The following ZNF521 variants were observed in gnomAD, a reference collection of about 807,000 sequenced individuals.
ZNF521 encodes the protein zinc finger protein 521.
A neutral mutation model predicts 105.5 loss-of-function variants in ZNF521; 14 were observed. The ratio of observed to expected loss-of-function variants is 0.13; its 90% CI spans 0.09 to 0.21. ZNF521 has a LOEUF of 0.21. Ranked by LOEUF, ZNF521 falls within the 10% of genes least tolerant of loss-of-function variation. The pLI, the probability that ZNF521 is intolerant of heterozygous loss-of-function variation, is 1.00. For synonymous variants in ZNF521, 635 were observed against 606.0 expected (o/e 1.05, Z -0.70); for missense variants, 1,233 against 1,629.7 (o/e 0.76, Z 4.19).
In ZNF521 at chr18:25,091,854, T is replaced by C. The variant is rs2033754306; in HGVS notation, c.3790+96A>G. 13 of 1,453,092 alleles carry C rather than the reference T, an allele frequency of 8.9e-6. No individual in the cohort carries two copies. The South Asian group carries it at 1.5e-4, about 17-fold the overall frequency. The allele number at this position is 1,453,092 out of a possible 1,614,324, so 90.0% of individuals were successfully genotyped here. A position where few individuals can be genotyped will look rare whatever the true frequency, so the allele number is the denominator to read the frequency against. ...CCCCAAATTGAACTGAAGTCATGTC[T>C]GTAAAAGGCCATAGCAGTGGGAAGT... On this transcript the variant is annotated intron_variant, in intron 6 of 7. Transcript: ENST00000361524.
intron 5 of ZNF521, among the ~76,000 whole-genome samples, chr18:25,128,259 T>C (rs34804576): frequency 6.6e-6 from 1 of 151,426 alleles, no homozygotes; most frequent in Non-Finnish European, 1.5e-5. Flanking sequence ...TTTGACAAAA[T>C]CCAACATCCA....
rs138692551 is a variant in ZNF521 at position 25,088,126 on chromosome 18, A to G, written c.3906+1339T>C. Among the ~76,000 whole-genome samples the G allele has an allele frequency of 5.9e-3, 899 of 152,256 alleles. 8 individuals carry two copies. Among genetic ancestry groups the G allele is most frequent in the Non-Finnish European group, 8.3e-3 (566 of 68,008 alleles). ...GCTCTTTCATTTGGTTCAGGGATTC[A>G]CTGTGAAAATTAACTGCAACCCTCA... On this transcript the variant is annotated intron_variant, in intron 7 of 7. Coordinates refer to ENST00000361524, the MANE Select transcript of ZNF521 (RefSeq NM_015461.3).
rs533108687 is a variant in ZNF521 at position 25,179,968 on chromosome 18, A to C, written c.3658+15192T>G. 5.5e-4 allele frequency among the ~76,000 whole-genome samples: 83 copies of C among 152,246 alleles called. 1 individual carries two copies. Among genetic ancestry groups the C allele is most frequent in the Non-Finnish European group, 1.1e-3 (76 of 68,046 alleles). On this transcript the variant is annotated intron_variant, in intron 5 of 7. Coordinates refer to ENST00000361524, the MANE Select transcript of ZNF521 (RefSeq NM_015461.3). ...AGAAAATCTGAATTAGAATTCTGAA[A>C]TCAGTCATGCAAGTTAAGACCTTTG...
intron 5 of ZNF521, among the ~76,000 whole-genome samples, chr18:25,111,134 G>A (rs185758657): frequency 3.8e-4 from 57 of 151,996 alleles, no homozygotes; most frequent in Non-Finnish European, 6.2e-4. Context: ...GCAGAAAAAC[G>A]GTGCCCAGCT....
chr18:25,245,059 A>G (rs1290408568), intron 3 of ZNF521, among the ~76,000 whole-genome samples: 4 of 152,228 alleles, frequency 2.6e-5, no homozygotes, highest in African/African-American at 9.6e-5. Flanking sequence ...GGTTTTGAAA[A>G]TAGAGGAAAA....
In ZNF521 at chr18:25,225,842, C is replaced by T. The variant is rs116183152; in HGVS notation, c.2076G>A (p.Thr692=). The change falls in exon 4 of 8, where the codon ACG becomes ACA. Residue 692 remains threonine, a synonymous_variant. Transcript: ENST00000361524. This position sits in a 1 kb window ranked among gnomAD's most constrained non-coding sequence, Gnocchi z 5.6. ...HVTIHFMITS[T]YYICESCDKQ... is the part of the protein sequence containing the mutation. ...TGTCACAACTCTCACAGATGTAATA[C>T]GTTGAAGTGATCATAAAGTGAATGG... 24 of 1,614,184 alleles carry T rather than the reference C, an allele frequency of 1.5e-5. No individual in the cohort carries two copies. The East Asian group carries it at 1.6e-4, about 10-fold the overall frequency.
intron 2 of ZNF521, among the ~76,000 whole-genome samples, chr18:25,325,739 T>C (rs1370975197): frequency 6.6e-6 from 1 of 152,200 alleles, no homozygotes. Flanking sequence ...ACTGGATTTA[T>C]ACCGTTCTGA....
intron 7 of ZNF521, among the ~76,000 whole-genome samples, chr18:25,068,426 A>G (rs2033127483): frequency 6.6e-6 from 1 of 152,228 alleles, no homozygotes; most frequent in Non-Finnish European, 1.5e-5. Context: ...TCTAGTTCAC[A>G]TACAGTCGTG....
chr18:25,221,522 T>C (rs1905725583), intron 4 of ZNF521, among the ~76,000 whole-genome samples: 1 of 152,222 alleles, frequency 6.6e-6, no homozygotes, highest in African/African-American at 2.4e-5. Flanking sequence ...GTATCCAGGT[T>C]TTCTTATCTC....
intron 5 of ZNF521, 53 bp from the exon 6 acceptor site, chr18:25,092,134 T>C: frequency 6.2e-7 from 1 of 1,604,502 alleles, no homozygotes; most frequent in Non-Finnish European, 8.5e-7. Flanking sequence ...ATATCTTTAA[T>C]ACACTAGAGA....
At chr18:25,288,572 TAA>T (rs151130883) in intron 3 of ZNF521, among the ~76,000 whole-genome samples, 26 of 106,942 alleles carry the variant, frequency 2.4e-4, no homozygotes, top group Middle Eastern at 5.6e-3. Context: ...TTATAACACT[TAA>T]AAAAAAAAAA....
intron 7 of ZNF521, among the ~76,000 whole-genome samples, chr18:25,069,290 C>T (rs1285445930): frequency 2.0e-5 from 3 of 152,038 alleles, no homozygotes; most frequent in Admixed American, 6.5e-5. Flanking sequence ...TGGGTTATTT[C>T]CCCTGAACGT....
At chr18:25,346,659 A>G (rs1914476103) in intron 2 of ZNF521, among the ~76,000 whole-genome samples, 2 of 152,226 alleles carry the variant, frequency 1.3e-5, no homozygotes. Context: ...TAAGTACAAA[A>G]GAAGGTAAAT....
rs192166520 is a variant in ZNF521, at chr18:25,076,067, T to C, written c.3907-13326A>G. Among the ~76,000 whole-genome samples, 50 of 152,352 alleles carry C rather than the reference T, an allele frequency of 3.3e-4. No homozygotes were observed. In the East Asian group the frequency reaches 7.7e-3, roughly 24 times the overall value. On this transcript the variant is annotated intron_variant, in intron 7 of 7. Coordinates refer to ENST00000361524, the MANE Select transcript of ZNF521 (RefSeq NM_015461.3). ...CACCCACAAGTTAAACTAAGCATCA[T>C]GATCTTGAGAGATCCCAGTAATGAA...
chr18:25,257,831 C>T (rs1908626207), intron 3 of ZNF521, among the ~76,000 whole-genome samples: 1 of 152,112 alleles, frequency 6.6e-6, no homozygotes, highest in Non-Finnish European at 1.5e-5. Flanking sequence ...GGTCCATATC[C>T]CATTATAACG....
intron 3 of ZNF521, among the ~76,000 whole-genome samples, chr18:25,228,940 C>T (rs1051946305): frequency 3.3e-5 from 5 of 152,018 alleles, no homozygotes; most frequent in African/African-American, 4.8e-5. Flanking sequence ...CAAAGGAGCA[C>T]GATTTTTCAA....
At chr18:25,102,860 T>G (rs914080757) in intron 5 of ZNF521, among the ~76,000 whole-genome samples, 2 of 152,202 alleles carry the variant, frequency 1.3e-5, no homozygotes, top group African/African-American at 4.8e-5. Context: ...CAGCAGTTAC[T>G]GTTTTCTAGA....
intron 3 of ZNF521, among the ~76,000 whole-genome samples, chr18:25,278,572 G>C (rs1910180086): frequency 2.0e-5 from 3 of 152,178 alleles, no homozygotes; most frequent in African/African-American, 7.2e-5. Context: ...AGAGTGTCTT[G>C]CAATTTCATC....
chr18:25,200,390 T>C (rs560624171), intron 4 of ZNF521, among the ~76,000 whole-genome samples: 35 of 148,490 alleles, frequency 2.4e-4, no homozygotes, highest in African/African-American at 8.6e-4. Context: ...CTCAGTGTTC[T>C]GCAGTTTTCT....
Sources: allele counts gnomAD v4.1 joint callset (sites outside exome capture counted in the v4.1 genomes callset), GRCh38; gene constraint gnomAD v4.1.1; non-coding constraint Gnocchi (gnomAD v3.1); transcripts MANE v1.5; gene names NCBI Gene and HGNC (gene_info 2026-07-23, HGNC 2026-07-21).